Variants in KIAA0319 observed in about 807,000 individuals in gnomAD.
The protein encoded by KIAA0319 is KIAA0319.
In KIAA0319, 83 loss-of-function variants were observed where a neutral mutation model predicts 108.4. The observed-to-expected ratio is 0.77, with a 90% confidence interval of 0.64 to 0.92. The LOEUF is 0.92. KIAA0319 is among the 40% of genes least tolerant of loss of function. The pLI is 0.00. For missense variants in KIAA0319, 1,195 were observed against 1,322.4 expected (o/e 0.90, Z 1.49); for synonymous variants, 484 against 510.4 (o/e 0.95, Z 0.70).
chr6:24,556,478 T>C, intron 18 of KIAA0319, 129 bp downstream of exon 18: 1 of 1,033,878 alleles, frequency 9.7e-7, no homozygotes, highest in Non-Finnish European at 1.4e-6. Context: ...ATTTTGTTAT[T>C]TTTTTGTAAA....
At chr6:24,561,233 G>C (rs1763057625) in intron 16 of KIAA0319, among the ~76,000 whole-genome samples, 1 of 152,188 alleles carries the variant, frequency 6.6e-6, no homozygotes, top group Non-Finnish European at 1.5e-5. Context: ...TCTGATTTTA[G>C]TGTCAAGGTA....
intron 8 of KIAA0319, among the ~76,000 whole-genome samples, chr6:24,579,410 A>ATATATATATATATAT (rs1561981471): frequency 2.8e-4 from 25 of 87,996 alleles, no homozygotes; most frequent in African/African-American, 1.2e-3. Context: ...CCTCTATATA[A>ATATATATATATATAT]AGATATATAT....
At chr6:24,635,474 T>C (rs1368565039) in intron 1 of KIAA0319, among the ~76,000 whole-genome samples, 1 of 152,200 alleles carries the variant, frequency 6.6e-6, no homozygotes, top group African/African-American at 2.4e-5. Context: ...AGTGAATTTC[T>C]GTCCTCAGTT....
intron 10 of KIAA0319, among the ~76,000 whole-genome samples, chr6:24,574,870 A>G: frequency 6.6e-6 from 1 of 152,224 alleles, no homozygotes; most frequent in South Asian, 2.1e-4. Flanking sequence ...TTCAACAGGG[A>G]AAGTATAATT....
intron 2 of KIAA0319, chr6:24,598,121 G>A: frequency 2.3e-6 from 1 of 441,056 alleles, no homozygotes; most frequent in Non-Finnish European, 4.4e-6. Context: ...AGCTCCTTGA[G>A]CTTCTCTCGA....
At chr6:24,579,752 C>A (rs879301454) in intron 8 of KIAA0319, 106 bp downstream of exon 8, 46 of 797,558 alleles carry the variant, frequency 5.8e-5, no homozygotes, top group Non-Finnish European at 8.3e-5. Context: ...GATCGTTTAT[C>A]AAAGTAACAG....
At chr6:24,554,705 ACAACT>A in intron 18 of KIAA0319, 74 bp from the exon 19 acceptor site, 2 of 1,091,366 alleles carry the variant, frequency 1.8e-6, no homozygotes, top group East Asian at 2.4e-5. Context: ...ATGATTCATA[ACAACT>A]ATTTCTGAAT....
intron 11 of KIAA0319, 127 bp from the exon 12 acceptor site, chr6:24,570,162 T>A: frequency 2.3e-6 from 2 of 880,000 alleles, no homozygotes; most frequent in Non-Finnish European, 3.5e-6. Context: ...GCAGCATCCT[T>A]TGGAATCCTG....
rs764352848 is a variant in KIAA0319, at chr6:24,588,607, G to A, written c.980C>T (p.Thr327Ile). 5 of 1,613,406 alleles carry A rather than the reference G, an allele frequency of 3.1e-6. No individual in the cohort carries two copies. In the East Asian group the frequency reaches 8.9e-5, roughly 29 times the overall value. Reference sequence around the variant, plus strand: ...TTAAAAGTTACCTGTCCTGGGAGCAGTGGTAGGAGATATGGGTAGCTCAGA... The same window carrying A: ...TTAAAAGTTACCTGTCCTGGGAGCAATGGTAGGAGATATGGGTAGCTCAGA... Reference protein sequence around the residue: ...TPSELPISPTTAPRTVKELTV... With the variant: ...TPSELPISPTIAPRTVKELTV... Residue 327 changes from threonine to isoleucine, a missense_variant, in exon 4 of 21, where the codon ACT becomes ATT. Coordinates refer to ENST00000378214, the MANE Select transcript of KIAA0319 (RefSeq NM_014809.4).
chr6:24,583,838 G>T, intron 4 of KIAA0319, 136 bp from the exon 5 acceptor site: 1 of 627,794 alleles, frequency 1.6e-6, no homozygotes, highest in Non-Finnish European at 2.7e-6. Flanking sequence ...TAAGATTTTA[G>T]CTAAGGCACG....
intron 1 of KIAA0319, among the ~76,000 whole-genome samples, chr6:24,635,653 G>A (rs1373007837): frequency 6.6e-6 from 1 of 152,158 alleles, no homozygotes; most frequent in African/African-American, 2.4e-5. Flanking sequence ...CAGGAGCTGA[G>A]AGTAACCCTC....
At chr6:24,583,111 T>G in intron 5 of KIAA0319, 1 of 985,536 alleles carries the variant, frequency 1.0e-6, no homozygotes, top group Non-Finnish European at 1.2e-6. Flanking sequence ...AAATGCTTAC[T>G]GAATGGTAGA....
Position 24,566,664 on chromosome 6 carries a change from C to T in KIAA0319, c.2225G>A (p.Arg742Lys). 1 of 1,613,700 alleles carries T rather than the reference C, an allele frequency of 6.2e-7. No individual in the cohort carries two copies. Among genetic ancestry groups the T allele is most frequent in the Non-Finnish European group, 8.5e-7 (1 of 1,179,804 alleles). Residue 742 changes from arginine to lysine, a missense_variant, in exon 14 of 21, where the codon AGG becomes AAG. By Grantham distance (26) the Arg-to-Lys change is conservative (BLOSUM62 2). Coordinates refer to ENST00000378214, the MANE Select transcript of KIAA0319 (RefSeq NM_014809.4). Reference protein sequence around the residue: ...PNNSITLDGSRSTDDQRIVSY... With the variant: ...PNNSITLDGSKSTDDQRIVSY... ...CACAATTCTTTGGTCATCAGTAGAC[C>T]TTGAACCATCCAAAGTAATGGAATT...
At chr6:24,644,870 TTCTC>T (rs1313442542) in intron 1 of KIAA0319, among the ~76,000 whole-genome samples, 3 of 152,222 alleles carry the variant, frequency 2.0e-5, no homozygotes. Context: ...GAATTCACCT[TTCTC>T]TGTGACTCCT....
chr6:24,605,350 T>C (rs1022832140), intron 1 of KIAA0319, among the ~76,000 whole-genome samples: 2 of 152,206 alleles, frequency 1.3e-5, no homozygotes, highest in African/African-American at 4.8e-5. Context: ...TCTTTGATAG[T>C]TCTGTGAAGT....
chr6:24,601,012 G>A (rs4472344), intron 2 of KIAA0319, 37 bp downstream of exon 2: 38,482 of 1,613,516 alleles, frequency 0.024, 800 homozygotes, highest in African/African-American at 0.098. Context: ...AGAAACTCAA[G>A]TCCAACACGG....
chr6:24,622,249 T>A (rs1774057765), intron 1 of KIAA0319, among the ~76,000 whole-genome samples: 1 of 146,886 alleles, frequency 6.8e-6, no homozygotes, highest in Non-Finnish European at 1.5e-5. Context: ...CAGCCAAGTA[T>A]CCTGATCAGT....
At chr6:24,557,364 G>A (rs771426051) in intron 17 of KIAA0319, among the ~76,000 whole-genome samples, 5 of 151,724 alleles carry the variant, frequency 3.3e-5, no homozygotes, top group East Asian at 1.9e-4. Context: ...TTAGCTGGGC[G>A]TGATGGTGTG....
chr6:24,612,250 G>A (rs533866904), intron 1 of KIAA0319, among the ~76,000 whole-genome samples: 16 of 152,140 alleles, frequency 1.1e-4, no homozygotes, highest in African/African-American at 3.1e-4. Flanking sequence ...CCAGGAGTTC[G>A]AGGCAGGCCT....
Sources: allele counts gnomAD v4.1 joint callset (sites outside exome capture counted in the v4.1 genomes callset), GRCh38; gene constraint gnomAD v4.1.1; transcripts MANE v1.5; gene names NCBI Gene and HGNC (gene_info 2026-07-23, HGNC 2026-07-21).